Variants in SIK2 observed in about 807,000 individuals in gnomAD.
The protein encoded by SIK2 is serine/threonine-protein kinase SIK2.
A neutral mutation model predicts 103.2 loss-of-function variants in SIK2; 29 were observed. The observed-to-expected ratio is 0.28, with a 90% CI of 0.21 to 0.38. SIK2 has a LOEUF of 0.38. Ranked by LOEUF, SIK2 falls within the 10% of genes least tolerant of loss-of-function variation. SIK2 has a pLI of 1.00. For missense variants in SIK2, 879 were observed against 1,171.0 expected (o/e 0.75, Z 3.64); for synonymous variants, 412 against 446.1 (o/e 0.92, Z 0.96).
Position 111,616,213 on chromosome 11 carries a change from A to G in SIK2, c.136-30A>G, listed in dbSNP as rs374075490. The G allele has an allele frequency of 6.4e-6, 9 of 1,406,556 alleles. No homozygotes were observed. The African/African-American group carries it at 8.5e-5, about 13-fold the overall frequency. The allele number at this position is 1,406,556 out of a possible 1,614,324, so 87.1% of individuals were successfully genotyped here. The stretch of plus-strand genomic sequence containing the variant: ...TAGAAAATGTTAACTATTGTATACT[A>G]ATTGTATTTATTTGTGTTCTGGGAT... On this transcript the variant is annotated intron_variant, in intron 1 of 14. Transcript: ENST00000304987.
At chr11:111,667,886 ATTGAAT>A (rs1240981551) in intron 3 of SIK2, among the ~76,000 whole-genome samples, 1 of 152,190 alleles carries the variant, frequency 6.6e-6, no homozygotes, top group Non-Finnish European at 1.5e-5. Flanking sequence ...AATAAATTAT[ATTGAAT>A]TTGAGAGAAA....
At chr11:111,674,034 G>A (rs12278065) in intron 3 of SIK2, among the ~76,000 whole-genome samples, 4,725 of 149,090 alleles carry the variant, frequency 0.032, 241 homozygotes, top group African/African-American at 0.11. Context: ...AGATCGCACC[G>A]CTGCACTCCA....
chr11:111,605,946 G>T (rs932318486), intron 1 of SIK2, among the ~76,000 whole-genome samples: 11 of 152,080 alleles, frequency 7.2e-5, no homozygotes, highest in Admixed American at 6.5e-4. Flanking sequence ...TTCCTAATAC[G>T]CTTTGCAAAG....
At chr11:111,608,334 A>T (rs563718029) in intron 1 of SIK2, among the ~76,000 whole-genome samples, 1 of 152,200 alleles carries the variant, frequency 6.6e-6, no homozygotes, top group Non-Finnish European at 1.5e-5. Context: ...AAACAATACT[A>T]AAATTTATTT....
intron 3 of SIK2, among the ~76,000 whole-genome samples, chr11:111,664,483 G>A (rs2135874195): frequency 6.6e-6 from 1 of 152,274 alleles, no homozygotes; most frequent in South Asian, 2.1e-4. Context: ...GGGCATGGTG[G>A]CACACGCCTG....
In SIK2 at chr11:111,722,019, C is replaced by T. The variant is rs1351166763; in HGVS notation, c.2055+79C>T. 8.7e-7 allele frequency: 1 copy of T among 1,147,572 alleles called. No individual in the cohort carries two copies. The highest frequency in any genetic ancestry group is 1.7e-5 in the South Asian group (1 of 58,318). The allele number at this position is 1,147,572 out of a possible 1,614,324, so 71.1% of individuals were successfully genotyped here. On this transcript the variant is annotated intron_variant, in intron 13 of 14. Coordinates refer to ENST00000304987, the MANE Select transcript of SIK2 (RefSeq NM_015191.3). This position sits in a 1 kb window ranked among gnomAD's most constrained non-coding sequence, Gnocchi z 4.4. ...TTCTGCAAAGCAGAAACGTGTTTTG[C>T]CTGGCATTTATTTAGGGTAGCTGCT...
At chr11:111,604,119 G>C (rs906219293) in intron 1 of SIK2, among the ~76,000 whole-genome samples, 6 of 152,256 alleles carry the variant, frequency 3.9e-5, no homozygotes, top group Admixed American at 3.9e-4. Context: ...AATTTAGATT[G>C]TTTGTAATGA....
intron 3 of SIK2, among the ~76,000 whole-genome samples, chr11:111,665,946 G>A (rs7926485): frequency 0.61 from 93,253 of 152,116 alleles, 31,521 homozygotes; most frequent in East Asian, 0.96. Flanking sequence ...TGCTCTCTAA[G>A]TTACTAGACC....
In SIK2 at chr11:111,645,533, A is replaced by G. The variant is rs183616952; in HGVS notation, c.316+25131A>G. Among the ~76,000 whole-genome samples the G allele has an allele frequency of 1.8e-3, 273 of 152,342 alleles. 1 individual carries two copies. The highest frequency in any genetic ancestry group is 1.3e-3 in the Non-Finnish European group (88 of 68,044). On this transcript the variant is annotated intron_variant, in intron 3 of 14. Transcript: ENST00000304987. ...TAGTAAAATTACTTTTAAAAAACAAAAAACAGGCCAGGCACAGTGGCTTAT... is the reference window on the plus strand; with the variant it reads ...TAGTAAAATTACTTTTAAAAAACAAGAAACAGGCCAGGCACAGTGGCTTAT...
At position 111,727,060 on chromosome 11, in the gene SIK2, G is replaced by A. The variant is rs1188129712; in HGVS notation, c.*2931G>A. ...CCACGCAACTGATACACTGGTCCCTGTAAGGCAAACAGCATGTTAGCCCGA... is the reference window on the plus strand; with the variant it reads ...CCACGCAACTGATACACTGGTCCCTATAAGGCAAACAGCATGTTAGCCCGA... On this transcript the variant is annotated 3_prime_UTR_variant, in exon 15 of 15. Transcript: ENST00000304987. 6.2e-7 allele frequency: 1 copy of A among 1,613,252 alleles called. No homozygotes were observed. Among genetic ancestry groups the A allele is most frequent in the Non-Finnish European group, 8.5e-7 (1 of 1,179,460 alleles).
Position 111,723,652 on chromosome 11 carries a change from C to T in SIK2, c.2304C>T (p.Phe768=). Residue 768 remains phenylalanine, a synonymous_variant, in exon 15 of 15, where the codon TTC becomes TTT. Coordinates refer to ENST00000304987, the MANE Select transcript of SIK2 (RefSeq NM_015191.3). ...CGCCTTCTCAGCAGGCCCCACCGTT[C>T]AGCCTGACCCAGCCCCTGAGCCCCG... The part of the protein sequence containing the change: ...TPPPSQQAPP[F]SLTQPLSPVL... 3 of 1,614,172 alleles carry T rather than the reference C, an allele frequency of 1.9e-6. No homozygotes were observed. The highest frequency in any genetic ancestry group is 1.7e-6 in the Non-Finnish European group (2 of 1,180,038).
chr11:111,721,643 A>G (rs934323078), intron 12 of SIK2, among the ~76,000 whole-genome samples, 187 bp from the exon 13 acceptor site: 8 of 152,208 alleles, frequency 5.3e-5, no homozygotes, highest in African/African-American at 1.9e-4. Flanking sequence ...AACTAGAGAT[A>G]ATACATGCAT....
intron 3 of SIK2, among the ~76,000 whole-genome samples, chr11:111,687,594 TG>T: frequency 7.0e-6 from 1 of 143,832 alleles, no homozygotes; most frequent in East Asian, 2.0e-4. Context: ...CACTAATTAT[TG>T]TTTTTTTTAA....
At chr11:111,671,237 TA>T in intron 3 of SIK2, 1 of 265,020 alleles carries the variant, frequency 3.8e-6, no homozygotes, top group South Asian at 4.5e-5. Flanking sequence ...TTGCAGTAGG[TA>T]GTGATCTCGA....
At chr11:111,616,945 T>C (rs896595784) in intron 2 of SIK2, among the ~76,000 whole-genome samples, 2 of 152,206 alleles carry the variant, frequency 1.3e-5, no homozygotes, top group Admixed American at 1.3e-4. Context: ...GGATACTGTA[T>C]GTTTTATGAA....
intron 1 of SIK2, among the ~76,000 whole-genome samples, chr11:111,611,610 A>G (rs1941727288): frequency 6.6e-6 from 1 of 152,152 alleles, no homozygotes; most frequent in Non-Finnish European, 1.5e-5. Flanking sequence ...AGTTTGTCCT[A>G]ATGTTCTTCA....
At chr11:111,692,676 T>C (rs1942976144) in intron 4 of SIK2, among the ~76,000 whole-genome samples, 2 of 152,214 alleles carry the variant, frequency 1.3e-5, no homozygotes, top group African/African-American at 4.8e-5. Context: ...ATGGCCCTGA[T>C]TTTCTTTAAG....
chr11:111,668,332 A>G (rs759133259), intron 3 of SIK2, among the ~76,000 whole-genome samples: 10 of 152,168 alleles, frequency 6.6e-5, no homozygotes, highest in Non-Finnish European at 1.5e-4. Context: ...TATATGCCAT[A>G]ATTTATTTAA....
chr11:111,636,908 T>G (rs909093968), intron 3 of SIK2, among the ~76,000 whole-genome samples: 1 of 152,216 alleles, frequency 6.6e-6, no homozygotes, highest in African/African-American at 2.4e-5. Flanking sequence ...TGTAAGCTTA[T>G]AAGATCTTCT....
Sources: allele counts gnomAD v4.1 joint callset (sites outside exome capture counted in the v4.1 genomes callset), GRCh38; gene constraint gnomAD v4.1.1; non-coding constraint Gnocchi (gnomAD v3.1); transcripts MANE v1.5; gene names NCBI Gene and HGNC (gene_info 2026-07-23, HGNC 2026-07-21).